Variants in ARB2A observed in about 807,000 individuals in gnomAD.
ARB2A encodes the protein cotranscriptional regulator ARB2A.
chr5:93,888,194 A>C, the ARB2A span, among the ~76,000 whole-genome samples: 1 of 151,890 alleles, frequency 6.6e-6, no homozygotes, highest in African/African-American at 2.4e-5. Flanking sequence ...AAGATTCTAT[A>C]AATCTACAAT....
At chr5:93,703,173 G>A in the ARB2A span, among the ~76,000 whole-genome samples, 1 of 152,150 alleles carries the variant, frequency 6.6e-6, no homozygotes, top group Non-Finnish European at 1.5e-5. Flanking sequence ...ATATTTGTAA[G>A]TATACAATAC....
chr5:94,007,098 C>A, the ARB2A span, among the ~76,000 whole-genome samples: 1 of 152,162 alleles, frequency 6.6e-6, no homozygotes, highest in African/African-American at 2.4e-5. Flanking sequence ...AAATTATTCC[C>A]AAATCTATTT....
the ARB2A span, among the ~76,000 whole-genome samples, chr5:93,962,487 T>C: frequency 6.6e-6 from 1 of 152,136 alleles, no homozygotes; most frequent in African/African-American, 2.4e-5. Flanking sequence ...AAAAAATGGT[T>C]CTTTTTCCCT....
the ARB2A span, among the ~76,000 whole-genome samples, chr5:94,024,527 C>A: frequency 6.6e-6 from 1 of 152,056 alleles, no homozygotes; most frequent in Non-Finnish European, 1.5e-5. Context: ...CCTAACTATC[C>A]ATCTAGCCTT....
chr5:93,662,275 G>C, the ARB2A span, among the ~76,000 whole-genome samples: 1 of 152,132 alleles, frequency 6.6e-6, no homozygotes, highest in Non-Finnish European at 1.5e-5. Context: ...GTAGGTCTCT[G>C]TTCCTTGTAG....
At chr5:93,925,234 C>G in the ARB2A span, among the ~76,000 whole-genome samples, 1 of 152,146 alleles carries the variant, frequency 6.6e-6, no homozygotes, top group South Asian at 2.1e-4. Context: ...GAAAACCCTA[C>G]ATGACCTAGT....
chr5:94,062,145 G>A, the ARB2A span, among the ~76,000 whole-genome samples: 5 of 152,088 alleles, frequency 3.3e-5, no homozygotes, highest in East Asian at 1.9e-4. Context: ...TGACAGGCAC[G>A]AAAAAGCAAT....
the ARB2A span, among the ~76,000 whole-genome samples, chr5:94,059,505 C>T: frequency 6.7e-6 from 1 of 149,082 alleles, no homozygotes; most frequent in Non-Finnish European, 1.5e-5. Context: ...CCTGTAATCC[C>T]AGGTACTTGG....
At chr5:93,934,465 G>A in the ARB2A span, among the ~76,000 whole-genome samples, 1 of 152,196 alleles carries the variant, frequency 6.6e-6, no homozygotes, top group South Asian at 2.1e-4. Flanking sequence ...TTCCATGCAA[G>A]TGAAGGAATG....
chr5:93,909,727 T>A, the ARB2A span, among the ~76,000 whole-genome samples: 38 of 150,948 alleles, frequency 2.5e-4, 1 homozygote, highest in African/African-American at 9.0e-4. Context: ...ATTTTCAGTT[T>A]TTTTGTTGAA....
chr5:93,943,119 T>C, the ARB2A span, among the ~76,000 whole-genome samples: 11 of 152,142 alleles, frequency 7.2e-5, no homozygotes, highest in African/African-American at 2.2e-4. Context: ...ACTGCTCTGG[T>C]GTAAATTCTT....
At chr5:93,852,487 T>G in the ARB2A span, among the ~76,000 whole-genome samples, 1 of 152,228 alleles carries the variant, frequency 6.6e-6, no homozygotes, top group African/African-American at 2.4e-5. Context: ...TTTTGGCTTT[T>G]GTTGCCATTG....
chr5:93,797,011 A>T, the ARB2A span, among the ~76,000 whole-genome samples: 1 of 152,180 alleles, frequency 6.6e-6, no homozygotes, highest in Admixed American at 6.5e-5. Flanking sequence ...TATACACTAC[A>T]TGTAACAAAA....
At chr5:93,993,355 G>T in the ARB2A span, among the ~76,000 whole-genome samples, 80 of 152,142 alleles carry the variant, frequency 5.3e-4, no homozygotes, top group Non-Finnish European at 3.4e-4. Context: ...ATCCCATAGT[G>T]ACAGAAGACT....
At chr5:93,953,265 A>G in the ARB2A span, among the ~76,000 whole-genome samples, 2 of 152,148 alleles carry the variant, frequency 1.3e-5, no homozygotes, top group Non-Finnish European at 2.9e-5. Flanking sequence ...AGTCTTTGCA[A>G]TCTGGGCTTG....
chr5:94,055,191 T>A, the ARB2A span, among the ~76,000 whole-genome samples: 1 of 152,214 alleles, frequency 6.6e-6, no homozygotes. Context: ...AGATGTGGAA[T>A]CATTTTTGTC....
chr5:94,038,685 C>T, the ARB2A span, among the ~76,000 whole-genome samples: 1 of 151,796 alleles, frequency 6.6e-6, no homozygotes, highest in African/African-American at 2.4e-5. Flanking sequence ...AAAACAATTC[C>T]TACTGAATGA....
the ARB2A span, among the ~76,000 whole-genome samples, chr5:93,756,401 C>T: frequency 6.6e-6 from 1 of 152,196 alleles, no homozygotes; most frequent in African/African-American, 2.4e-5. Flanking sequence ...AGTGCCACTG[C>T]CTGGCAGGAG....
At chr5:93,853,194 T>C in the ARB2A span, among the ~76,000 whole-genome samples, 1 of 152,174 alleles carries the variant, frequency 6.6e-6, no homozygotes, top group Non-Finnish European at 1.5e-5. Flanking sequence ...GTTGGATTCC[T>C]AGGTATTTTA....
Sources: allele counts gnomAD v4.1 joint callset (sites outside exome capture counted in the v4.1 genomes callset), GRCh38; gene constraint gnomAD v4.1.1; transcripts MANE v1.5; gene names NCBI Gene and HGNC (gene_info 2026-07-23, HGNC 2026-07-21).